Variants in DIP2C observed in about 807,000 individuals in gnomAD.
DIP2C encodes the protein DIP2 acetate--CoA ligase C (putative), also known as disco-interacting protein 2 homolog C.
DIP2C carries 33 observed loss-of-function variants against 192.4 expected under a neutral mutation model. The observed-to-expected ratio is 0.17, with a 90% CI of 0.13 to 0.23. The LOEUF is 0.23. DIP2C is among the 10% of genes least tolerant of loss of function. DIP2C has a pLI of 1.00. For synonymous variants in DIP2C, 979 were observed against 864.1 expected (o/e 1.13, Z -2.33); for missense variants, 1,537 against 2,110.1 (o/e 0.73, Z 5.32).
intron 1 of DIP2C, among the ~76,000 whole-genome samples, chr10:605,254 A>T (rs1719809870): frequency 6.6e-6 from 1 of 152,224 alleles, no homozygotes; most frequent in Non-Finnish European, 1.5e-5. Context: ...GGGGCAGCAG[A>T]ACTGAAGCTC....
chr10:426,485 G>T (rs930330068), intron 4 of DIP2C, among the ~76,000 whole-genome samples: 7 of 152,208 alleles, frequency 4.6e-5, no homozygotes, highest in African/African-American at 1.7e-4. Context: ...GGCTTTGTGT[G>T]TGTGAAATTG....
At chr10:552,089 A>G (rs888324157) in intron 1 of DIP2C, among the ~76,000 whole-genome samples, 1 of 152,232 alleles carries the variant, frequency 6.6e-6, no homozygotes, top group Non-Finnish European at 1.5e-5. Context: ...TCAGTCTGCA[A>G]TCTAAGCTGG....
chr10:498,566 C>T (rs1031399698), intron 1 of DIP2C, among the ~76,000 whole-genome samples: 4 of 152,210 alleles, frequency 2.6e-5, no homozygotes, highest in Non-Finnish European at 4.4e-5. Flanking sequence ...TTAGGGGGCT[C>T]GTCAGAGATG....
At chr10:285,131 T>A (rs1384347791) in intron 34 of DIP2C, among the ~76,000 whole-genome samples, 4 of 88,152 alleles carry the variant, frequency 4.5e-5, no homozygotes, top group Admixed American at 1.4e-4. Flanking sequence ...TGTATGTGAC[T>A]GAGAGAGGTC....
At chr10:597,661 A>C (rs2131676298) in intron 1 of DIP2C, among the ~76,000 whole-genome samples, 1 of 152,374 alleles carries the variant, frequency 6.6e-6, no homozygotes, top group South Asian at 2.1e-4. Context: ...ATTTGCTCTT[A>C]ATACGTAAGA....
intron 1 of DIP2C, among the ~76,000 whole-genome samples, chr10:579,162 A>G (rs1210970366): frequency 1.3e-5 from 2 of 151,806 alleles, no homozygotes; most frequent in African/African-American, 2.4e-5. Flanking sequence ...ACCCAGATAC[A>G]GTGTACAAAC....
At chr10:338,203 G>C (rs934615210) in intron 29 of DIP2C, among the ~76,000 whole-genome samples, 3 of 152,192 alleles carry the variant, frequency 2.0e-5, no homozygotes, top group Non-Finnish European at 4.4e-5. Context: ...AAAACGTTAA[G>C]GTTAAAAAGT....
intron 23 of DIP2C, 64 bp downstream of exon 23, chr10:357,754 GGATGGTCGCA>G (rs1287993769): frequency 2.5e-5 from 29 of 1,149,600 alleles, no homozygotes; most frequent in Non-Finnish European, 3.5e-5. Context: ...GTACTGTCGG[GGATGGTCGCA>G]GATGGTCGGG....
intron 1 of DIP2C, among the ~76,000 whole-genome samples, chr10:555,382 C>T (rs966570848): frequency 9.2e-5 from 14 of 152,118 alleles, no homozygotes; most frequent in East Asian, 1.9e-4. Flanking sequence ...ACCTAATAAC[C>T]GAACTTCATT....
chr10:662,846 C>T lies in DIP2C; in HGVS notation c.85+26648G>A, dbSNP rs202044085. The T allele has an allele frequency of 1.3e-3, 914 of 717,460 alleles. 2 individuals are homozygous for T. The highest frequency in any genetic ancestry group is 2.0e-3 in the Non-Finnish European group (756 of 385,086). 44.4% of individuals were successfully genotyped at this position (717,460 alleles called of 1,614,324 possible). A position where few individuals can be genotyped will look rare whatever the true frequency, so the allele number is the denominator to read the frequency against. ...GCTGTGGTTGAGGAAAGAGGCCACA[C>T]CCACAGCCAGCAGAACCACACTCAG... On this transcript the variant is annotated intron_variant, in intron 1 of 36. Coordinates refer to ENST00000280886, the MANE Select transcript of DIP2C (RefSeq NM_014974.3).
chr10:432,006 T>A (rs1373889889), intron 4 of DIP2C, among the ~76,000 whole-genome samples: 1 of 152,250 alleles, frequency 6.6e-6, no homozygotes, highest in Admixed American at 6.5e-5. Context: ...GTTAACGTGA[T>A]GAATTACGTT....
chr10:368,919 G>C (rs1373711819), intron 18 of DIP2C, among the ~76,000 whole-genome samples: 1 of 152,254 alleles, frequency 6.6e-6, no homozygotes, highest in African/African-American at 2.4e-5. Flanking sequence ...CCTAAGAATG[G>C]TAAAGCGGCT....
intron 1 of DIP2C, chr10:664,762 T>A (rs1410264186): frequency 2.6e-5 from 4 of 152,210 alleles, no homozygotes; most frequent in East Asian, 3.8e-4. Flanking sequence ...TCAAGCATTT[T>A]AAAATGAACC....
intron 3 of DIP2C, 61 bp from the exon 4 acceptor site, chr10:441,057 C>T: frequency 6.4e-7 from 1 of 1,556,230 alleles, no homozygotes; most frequent in Non-Finnish European, 8.7e-7. Context: ...CCAAGCTGCA[C>T]CCTCCTCTCT....
In DIP2C at chr10:367,907, G is replaced by T. The variant is rs367599376; in HGVS notation, c.2132-1496C>A. Among the ~76,000 whole-genome samples the T allele has an allele frequency of 4.6e-5, 7 of 151,888 alleles. No homozygotes were observed. In the East Asian group the frequency reaches 1.4e-3, roughly 29 times the overall value. On this transcript the variant is annotated intron_variant, in intron 18 of 36. Transcript: ENST00000280886. ...AGGCTTCTGTTCCACAGCCCCAGGT[G>T]CCTCCGACGGGGGCCCGGGAAGCCC... is the stretch of plus-strand genomic sequence containing the variant.
intron 29 of DIP2C, among the ~76,000 whole-genome samples, chr10:332,795 A>C (rs2132479320): frequency 6.6e-6 from 1 of 152,378 alleles, no homozygotes; most frequent in South Asian, 2.1e-4. Context: ...GAATTCAACA[A>C]GACAGGTTCA....
chr10:390,322 G>T lies in DIP2C; in HGVS notation c.1436C>A (p.Pro479Gln). The stretch of plus-strand genomic sequence containing the variant: ...AATGTGTGGGAACCAGTCTCGGGGC[G>T]GTTTGGAGAGATGTTTAGACTCTGT... The part of the protein sequence containing the change: ...FVTESKHLSK[P>Q]PRDWFPHIKD... Residue 479 changes from proline (P) to glutamine (Q), a missense_variant, in exon 12 of 37, where the codon CCG becomes CAG. Coordinates refer to ENST00000280886, the MANE Select transcript of DIP2C (RefSeq NM_014974.3). 4 of 1,613,890 alleles carry T rather than the reference G, an allele frequency of 2.5e-6. No individual in the cohort carries two copies. Among genetic ancestry groups the T allele is most frequent in the African/African-American group, 2.7e-5 (2 of 74,930 alleles).
intron 1 of DIP2C, among the ~76,000 whole-genome samples, chr10:507,526 G>A (rs1156413701): frequency 1.3e-5 from 2 of 152,128 alleles, no homozygotes; most frequent in East Asian, 1.9e-4. Context: ...CCGGTCACCC[G>A]CTGTGTCCAA....
chr10:644,220 G>A (rs1419098682), intron 1 of DIP2C, among the ~76,000 whole-genome samples: 1 of 152,246 alleles, frequency 6.6e-6, no homozygotes, highest in Non-Finnish European at 1.5e-5. Context: ...TGCAGACCAA[G>A]GCAGGTGGCC....
Sources: gnomAD v4.1 joint callset for allele counts (sites outside exome capture counted in the v4.1 genomes callset) on GRCh38, gnomAD v4.1.1 for gene constraint, MANE v1.5 for transcripts, NCBI Gene and HGNC (gene_info 2026-07-23, HGNC 2026-07-21) for gene names.